FCRL5: variants seen among roughly 807,000 people sequenced by gnomAD.
FCRL5 encodes Fc receptor-like protein 5.
Under a neutral mutation model 92.1 loss-of-function variants are expected in FCRL5, and 79 were observed. The ratio of observed to expected loss-of-function variants is 0.86; its 90% CI spans 0.72 to 1.03. The LOEUF is 1.03. Ranked by LOEUF, FCRL5 falls within the 50% of genes least tolerant of loss-of-function variation. The pLI is 0.00. For missense variants in FCRL5, 1,160 were observed against 1,181.1 expected (o/e 0.98, Z 0.26); for synonymous variants, 466 against 469.3 (o/e 0.99, Z 0.09).
intron 7 of FCRL5, among the ~76,000 whole-genome samples, chr1:157,537,157 C>T (rs956180120): frequency 1.3e-4 from 20 of 152,238 alleles, no homozygotes; most frequent in African/African-American, 3.9e-4. Flanking sequence ...TAACCTTAAA[C>T]TCTGGCTGCC....
At chr1:157,519,645 T>C in intron 13 of FCRL5, 98 bp downstream of exon 13, 1 of 1,354,142 alleles carries the variant, frequency 7.4e-7, no homozygotes, top group Non-Finnish European at 1.1e-6. Context: ...CAGCAGCACC[T>C]GGCAGAAACT....
intron 2 of FCRL5, among the ~76,000 whole-genome samples, chr1:157,547,779 A>AT (rs896046875): frequency 7.9e-5 from 12 of 152,280 alleles, no homozygotes; most frequent in Admixed American, 7.2e-4. Flanking sequence ...GGGGCCACTG[A>AT]TTTGGACAAG....
rs773083258 is a variant in FCRL5, at chr1:157,515,724, G to A, written c.2885C>T (p.Thr962Ile). 1.2e-6 allele frequency: 2 copies of A among 1,607,342 alleles called. No individual in the cohort carries two copies. The highest frequency in any genetic ancestry group is 8.5e-7 in the Non-Finnish European group (1 of 1,176,340). ...CAAGAACAGGGATCCGGAAACCGGGGTTGACGCCACCTTAACTTCAGAGTA... is the reference window on the plus strand; with the variant it reads ...CAAGAACAGGGATCCGGAAACCGGGATTGACGCCACCTTAACTTCAGAGTA... Reference protein sequence around the residue: ...IIYSEVKVASTPVSGSLFLAS... With the variant: ...IIYSEVKVASIPVSGSLFLAS... Residue 962 changes from threonine to isoleucine, a missense_variant, in exon 17 of 17, where the codon ACC (threonine) becomes ATC (isoleucine). Physicochemically the swap from Thr to Ile is moderately conservative, Grantham distance 89. Transcript: ENST00000361835.
At position 157,547,083 on chromosome 1, in the gene FCRL5, T is replaced by C. The variant is rs1425020151; in HGVS notation, c.167A>G (p.Lys56Arg). Residue 56 changes from lysine to arginine, a missense_variant, in exon 3 of 17, where the codon AAA (lysine) becomes AGA (arginine). Physicochemically the swap from Lys to Arg is conservative, Grantham distance 26. Transcript: ENST00000361835. ...TTTCCCAAGGTACCGATGGTACCATTTTGTTTTCTGTGGTGAGTAGAAGCG... is the reference window on the plus strand; with the variant it reads ...TTTCCCAAGGTACCGATGGTACCATCTTGTTTTCTGTGGTGAGTAGAAGCG... ...GFRFYSPQKTKWYHRYLGKEI... is the reference protein window; with the variant it reads ...GFRFYSPQKTRWYHRYLGKEI... 1.9e-6 allele frequency: 3 copies of C among 1,614,212 alleles called. No homozygotes were observed. The South Asian group carries it at 3.3e-5, about 18-fold the overall frequency.
chr1:157,526,834 G>T (rs1006810683), intron 9 of FCRL5, among the ~76,000 whole-genome samples: 1 of 152,054 alleles, frequency 6.6e-6, no homozygotes, highest in Non-Finnish European at 1.5e-5. Context: ...AGAAGGCCAG[G>T]GGGTGGTTGT....
At chr1:157,541,303 C>T (rs1651248889) in intron 6 of FCRL5, among the ~76,000 whole-genome samples, 1 of 152,280 alleles carries the variant, frequency 6.6e-6, no homozygotes, top group Middle Eastern at 3.4e-3. Flanking sequence ...TCCTGGCTGC[C>T]CCCCAAACTG....
intron 1 of FCRL5, among the ~76,000 whole-genome samples, chr1:157,550,380 C>G (rs1651760095): frequency 6.6e-6 from 1 of 152,106 alleles, no homozygotes; most frequent in Non-Finnish European, 1.5e-5. Context: ...AGGAAATGGA[C>G]ATGAATTAAG....
intron 7 of FCRL5, 36 bp downstream of exon 7, chr1:157,539,050 C>G: frequency 1.2e-6 from 2 of 1,600,858 alleles, no homozygotes; most frequent in Non-Finnish European, 1.7e-6. Context: ...GGACTCTTGG[C>G]CAGGGGTGGG....
intron 7 of FCRL5, among the ~76,000 whole-genome samples, chr1:157,535,292 T>A (rs1220873442): frequency 6.6e-6 from 1 of 152,236 alleles, no homozygotes; most frequent in Non-Finnish European, 1.5e-5. Flanking sequence ...AGGGGGATTT[T>A]CCTATGTCTC....
intron 13 of FCRL5, 116 bp from the exon 14 acceptor site, chr1:157,518,898 C>T: frequency 1.4e-6 from 1 of 707,564 alleles, no homozygotes; most frequent in East Asian, 2.6e-5. Flanking sequence ...GAAACATGAA[C>T]AAGTACATAA....
intron 8 of FCRL5, 117 bp from the exon 9 acceptor site, chr1:157,528,012 G>A: frequency 1.7e-6 from 2 of 1,207,814 alleles, no homozygotes; most frequent in South Asian, 2.0e-5. Context: ...TTGGTAAAGA[G>A]GAAGAAGTCA....
intron 2 of FCRL5, among the ~76,000 whole-genome samples, chr1:157,549,202 G>A (rs1276675094): frequency 2.7e-5 from 4 of 147,898 alleles, no homozygotes; most frequent in Non-Finnish European, 4.4e-5. Flanking sequence ...ACCAAACACC[G>A]CATGTTCTCA....
intron 7 of FCRL5, among the ~76,000 whole-genome samples, chr1:157,537,082 A>G (rs557830180): frequency 2.6e-5 from 4 of 152,356 alleles, no homozygotes; most frequent in African/African-American, 9.6e-5. Context: ...TTGTTTAAAC[A>G]ATATGAAATC....
intron 9 of FCRL5, among the ~76,000 whole-genome samples, chr1:157,527,415 GA>G (rs1448749865): frequency 6.6e-6 from 1 of 152,190 alleles, no homozygotes; most frequent in Non-Finnish European, 1.5e-5. Flanking sequence ...CTGCTAGCAG[GA>G]AAAGTACAGC....
intron 4 of FCRL5, 91 bp from the exon 5 acceptor site, chr1:157,544,637 A>C: frequency 1.3e-6 from 2 of 1,488,500 alleles, no homozygotes; most frequent in African/African-American, 1.4e-5. Context: ...ATCCAAAAGC[A>C]GGCAAAGAAA....
chr1:157,530,188 C>A (rs1345670711), intron 8 of FCRL5, among the ~76,000 whole-genome samples: 2 of 152,126 alleles, frequency 1.3e-5, no homozygotes, highest in Non-Finnish European at 2.9e-5. Flanking sequence ...CAATAACATA[C>A]TGGTCTACAA....
chr1:157,530,863 G>A (rs559524867), intron 8 of FCRL5, among the ~76,000 whole-genome samples: 2 of 152,230 alleles, frequency 1.3e-5, no homozygotes, highest in South Asian at 2.1e-4. Context: ...GGAATTTCTG[G>A]GATGAAGTAT....
At chr1:157,517,392 G>T (rs752482386) in intron 15 of FCRL5, among the ~76,000 whole-genome samples, 1 of 152,164 alleles carries the variant, frequency 6.6e-6, no homozygotes, top group Non-Finnish European at 1.5e-5. Flanking sequence ...ACCCTAAGTG[G>T]AAAAGAGGAC....
At chr1:157,534,477 A>T in intron 8 of FCRL5, 137 bp downstream of exon 8, 1 of 992,292 alleles carries the variant, frequency 1.0e-6, no homozygotes, top group Non-Finnish European at 1.6e-6. Context: ...AACCCCAGCT[A>T]GTTAGTTGAG....
Sources: allele counts gnomAD v4.1 joint callset (sites outside exome capture counted in the v4.1 genomes callset), GRCh38; gene constraint gnomAD v4.1.1; transcripts MANE v1.5; gene names NCBI Gene and HGNC (gene_info 2026-07-23, HGNC 2026-07-21).